Variants in SATB1 observed in about 807,000 individuals in gnomAD.
SATB1 encodes DNA-binding protein SATB1.
SATB1 carries 11 observed loss-of-function variants against 86.9 expected under a neutral mutation model. The ratio of observed to expected loss-of-function variants is 0.13; its 90% CI spans 0.08 to 0.21. The LOEUF (loss-of-function observed/expected upper bound fraction) is 0.21. Among genes scored for constraint, SATB1 ranks in the 10% least tolerant of loss-of-function variants. The probability of loss-of-function intolerance (pLI) is 1.00; values close to 1 mark genes in which losing one functional copy is unlikely to be tolerated. For synonymous variants in SATB1, 357 were observed against 357.2 expected, an observed-to-expected ratio of 1.00 and a Z score of 0.01; for missense variants, 551 against 937.6, an observed-to-expected ratio of 0.59 and a Z score of 5.39.
At position 18,392,716 on chromosome 3, in the gene SATB1, C is replaced by T. The variant is rs942730409; in HGVS notation, c.1206+1746G>A. On this transcript the variant is annotated intron_variant, in intron 7 of 10. Transcript: ENST00000338745. Reference sequence around the variant, plus strand: ...GAGACCTACTTTTTTTGGCCTAGTACGGAGAATTATTAGTACTTACTATAT... The same window carrying T: ...GAGACCTACTTTTTTTGGCCTAGTATGGAGAATTATTAGTACTTACTATAT... Among the ~76,000 whole-genome samples the T allele has an allele frequency of 5.9e-5, 9 of 151,666 alleles. No individual in the cohort carries two copies. The East Asian group carries it at 9.7e-4, about 16-fold the overall frequency.
At chr3:18,416,843 C>T in intron 3 of SATB1, 59 bp downstream of exon 3, 8 of 1,449,862 alleles carry the variant, frequency 5.5e-6, no homozygotes, top group Non-Finnish European at 7.5e-6. Context: ...AGTGCTTTCT[C>T]TGCAAGGTAA....
At chr3:18,379,740 G>T (rs1460754703) in intron 8 of SATB1, among the ~76,000 whole-genome samples, 1 of 152,154 alleles carries the variant, frequency 6.6e-6, no homozygotes, top group African/African-American at 2.4e-5. Context: ...GAGAAAGCTG[G>T]TAGATGCTTT....
At chr3:18,381,690 A>G (rs905938766) in intron 8 of SATB1, among the ~76,000 whole-genome samples, 1 of 152,146 alleles carries the variant, frequency 6.6e-6, no homozygotes, top group African/African-American at 2.4e-5. Context: ...CTAGCTCATT[A>G]ATGTCTAATT....
chr3:18,427,211 T>C (rs549114538), upstream of SATB1, among the ~76,000 whole-genome samples: 2 of 152,166 alleles, frequency 1.3e-5, no homozygotes, highest in Non-Finnish European at 1.5e-5. Flanking sequence ...AATAGAAATA[T>C]GGTAGGTTAA....
At chr3:18,430,892 C>G (rs531199049) in intron 2 of SATB1, among the ~76,000 whole-genome samples, 1 of 152,176 alleles carries the variant, frequency 6.6e-6, no homozygotes, top group African/African-American at 2.4e-5. Flanking sequence ...GGGAAAAAAC[C>G]CAATGTTTAT....
intron 9 of SATB1, among the ~76,000 whole-genome samples, chr3:18,366,573 T>C (rs918400838): frequency 2.2e-4 from 34 of 152,096 alleles, no homozygotes; most frequent in African/African-American, 7.2e-4. Flanking sequence ...TCAAATCATA[T>C]CATGCTAGCA....
rs144229002 is a variant in SATB1 at position 18,420,848 on chromosome 3, T to A, written c.120A>T (p.Leu40=). Residue 40 remains leucine, a synonymous_variant, in exon 2 of 11, where the codon CTA becomes CTT. Transcript: ENST00000338745. ...IARLEQNGSP[L]GRGRLGSTGA... ...CTGTACTCCCAAGCCTTCCTCTTCCTAGCGGGCTCCCGTTCTGCTCCAGGC... is the reference window on the plus strand; with the variant it reads ...CTGTACTCCCAAGCCTTCCTCTTCCAAGCGGGCTCCCGTTCTGCTCCAGGC... 6.2e-7 allele frequency: 1 copy of A among 1,614,214 alleles called. No individual in the cohort carries two copies. Among genetic ancestry groups the A allele is most frequent in the Admixed American group, 1.7e-5 (1 of 60,026 alleles).
chr3:18,402,816 C>T (rs1447758381), intron 5 of SATB1, among the ~76,000 whole-genome samples: 2 of 152,004 alleles, frequency 1.3e-5, no homozygotes, highest in South Asian at 4.2e-4. Flanking sequence ...GGTGGTTCAC[C>T]CATGTTTAAA....
chr3:18,385,609 C>T (rs985473802), intron 8 of SATB1, among the ~76,000 whole-genome samples: 3 of 140,704 alleles, frequency 2.1e-5, no homozygotes, highest in Admixed American at 1.5e-4. Context: ...GGTGACAGAG[C>T]GGCACTCCAT....
chr3:18,445,360 G>C (rs1699365374), intron 1 of SATB1: 1 of 985,102 alleles, frequency 1.0e-6, no homozygotes, highest in Non-Finnish European at 1.2e-6. Context: ...GGGGTGTGGG[G>C]GGCGGCGGGC....
rs375373110 is a variant in SATB1 at position 18,378,106 on chromosome 3, C to T, written c.1575+64G>A. 1,269 of 1,395,392 alleles carry T rather than the reference C, an allele frequency of 9.1e-4. 29 individuals carry two copies. The South Asian group carries it at 0.019, about 20-fold the overall frequency. The allele number at this position is 1,395,392 out of a possible 1,614,324, so 86.4% of individuals were successfully genotyped here. A position where few individuals can be genotyped will look rare whatever the true frequency, so the allele number is the denominator to read the frequency against. On this transcript the variant is annotated intron_variant, in intron 9 of 10. Coordinates refer to ENST00000338745, the MANE Select transcript of SATB1 (RefSeq NM_002971.6). The stretch of plus-strand genomic sequence containing the variant: ...AAGTTCATACTGAAAATAGACACTC[C>T]TTTTAATGAAAATTCTACAGGCAAC...
At chr3:18,411,947 GA>G (rs1235806827) in intron 5 of SATB1, among the ~76,000 whole-genome samples, 2 of 151,844 alleles carry the variant, frequency 1.3e-5, no homozygotes, top group African/African-American at 2.4e-5. Context: ...TATCATCAAA[GA>G]AAACATTATT....
intron 9 of SATB1, among the ~76,000 whole-genome samples, chr3:18,355,534 C>CT (rs1164086785): frequency 6.6e-6 from 1 of 151,798 alleles, no homozygotes; most frequent in Admixed American, 6.6e-5. Flanking sequence ...TTTTTAATAT[C>CT]TAACAAAAAT....
At chr3:18,426,249 T>A (rs984040045), upstream of SATB1, among the ~76,000 whole-genome samples, 1 of 152,242 alleles carries the variant, frequency 6.6e-6, no homozygotes, top group Non-Finnish European at 1.5e-5. The surrounding 1 kb of genome is among the most constrained non-coding windows in gnomAD (Gnocchi z 4.2). Context: ...AAGAGCGTTC[T>A]GTACTAGTCA....
chr3:18,430,249 G>T (rs1698845785), upstream of SATB1, among the ~76,000 whole-genome samples: 1 of 152,114 alleles, frequency 6.6e-6, no homozygotes, highest in Non-Finnish European at 1.5e-5. Flanking sequence ...CTGGCCAGGA[G>T]GAGTCTTAGA....
upstream of SATB1, among the ~76,000 whole-genome samples, chr3:18,429,869 C>T (rs542863190): frequency 3.0e-4 from 45 of 152,228 alleles, no homozygotes; most frequent in Middle Eastern, 3.4e-3. The surrounding 1 kb of genome is among the most constrained non-coding windows in gnomAD (Gnocchi z 4.1). Context: ...GTCTTGCTCA[C>T]TGCCATATTA....
chr3:18,352,620 T>C lies in SATB1; in HGVS notation c.1576-425A>G, dbSNP rs1234750531. On this transcript the variant is annotated intron_variant, in intron 9 of 10. Coordinates refer to ENST00000338745, the MANE Select transcript of SATB1 (RefSeq NM_002971.6). The surrounding 1 kb of genome is among the most constrained non-coding windows in gnomAD (Gnocchi z 4.1). The stretch of plus-strand genomic sequence containing the variant: ...ATAATTTTTTTCTAAAAGGATTTCC[T>C]AAGCTTGTACTTTTTGGATTTGAAA... 3 of 185,110 alleles carry C rather than the reference T, an allele frequency of 1.6e-5. No homozygotes were observed. The highest frequency in any genetic ancestry group is 7.1e-5 in the African/African-American group (3 of 42,344). 11.5% of individuals were successfully genotyped at this position (185,110 alleles called of 1,614,324 possible).
intron 5 of SATB1, among the ~76,000 whole-genome samples, chr3:18,409,804 A>G (rs958496044): frequency 3.3e-5 from 5 of 152,188 alleles, no homozygotes; most frequent in African/African-American, 7.2e-5. Context: ...GTACAAAATC[A>G]TTCCAGCTCA....
At chr3:18,419,437 C>A (rs1395737948) in intron 2 of SATB1, among the ~76,000 whole-genome samples, 1 of 152,190 alleles carries the variant, frequency 6.6e-6, no homozygotes, top group Non-Finnish European at 1.5e-5. Context: ...GTGTAAACAG[C>A]ACGTCTGCCA....
Sources: gnomAD v4.1 joint callset for allele counts (sites outside exome capture counted in the v4.1 genomes callset) on GRCh38, gnomAD v4.1.1 for gene constraint, Gnocchi (gnomAD v3.1) non-coding constraint, MANE v1.5 for transcripts, NCBI Gene and HGNC (gene_info 2026-07-23, HGNC 2026-07-21) for gene names.